Variants in NTAN1 observed in about 807,000 individuals in gnomAD.
NTAN1 encodes N-terminal asparagine amidase, also known as protein N-terminal asparagine amidohydrolase.
A neutral mutation model predicts 41.9 loss-of-function variants in NTAN1; 32 were observed. The observed-to-expected ratio is 0.76, with a 90% confidence interval of 0.58 to 1.03. The LOEUF (loss-of-function observed/expected upper bound fraction) is 1.03, where lower values mean the gene tolerates loss of function less well. Among genes scored for constraint, NTAN1 ranks in the 50% least tolerant of loss-of-function variants. The probability of loss-of-function intolerance (pLI) is 0.00; values close to 1 mark genes in which losing one functional copy is unlikely to be tolerated. For missense variants in NTAN1, 377 were observed against 377.5 expected (o/e 1.00, Z 0.01); for synonymous variants, 140 against 139.5 (o/e 1.00, Z -0.03).
Position 15,038,620 on chromosome 16 carries a change from G to A in NTAN1, c.707C>T (p.Pro236Leu). 6.2e-7 allele frequency: 1 copy of A among 1,609,536 alleles called. No individual in the cohort carries two copies. Among genetic ancestry groups the A allele is most frequent in the Non-Finnish European group, 8.5e-7 (1 of 1,176,002 alleles). Residue 236 changes from proline (P) to leucine (L), a missense_variant, in exon 9 of 10, where the codon CCA becomes CTA. By Grantham distance (98) the Pro-to-Leu change is moderately conservative (BLOSUM62 -3). Coordinates refer to ENST00000287706, the MANE Select transcript of NTAN1 (RefSeq NM_173474.4). Reference sequence around the variant, plus strand: ...TTGGTGCAACCAGAAATCCACATGTGGAAATGGTGTCCAGGAGTACGGTCC... The same window carrying A: ...TTGGTGCAACCAGAAATCCACATGTAGAAATGGTGTCCAGGAGTACGGTCC... ...RIGPYSWTPF[P>L]HVDFWLHQDD...
Position 15,041,596 on chromosome 16 carries a change from T to C in NTAN1, c.487+27A>G, listed in dbSNP as rs1042152020. ...AAAACGGTCCTGAGACCCACATCTTTGCTTTGGGGCAAATGGCAGGACTTA... is the reference window on the plus strand; with the variant it reads ...AAAACGGTCCTGAGACCCACATCTTCGCTTTGGGGCAAATGGCAGGACTTA... On this transcript the variant is annotated intron_variant, in intron 6 of 9. Coordinates refer to ENST00000287706, the MANE Select transcript of NTAN1 (RefSeq NM_173474.4). The C allele has an allele frequency of 6.4e-6, 10 of 1,569,138 alleles. 1 individual carries two copies. The African/African-American group carries it at 1.2e-4, about 19-fold the overall frequency.
chr16:15,037,918 G>A lies in NTAN1; in HGVS notation c.*113C>T. 1 of 650,752 alleles carries A rather than the reference G, an allele frequency of 1.5e-6. No homozygotes were observed. The highest frequency in any genetic ancestry group is 2.7e-6 in the Non-Finnish European group (1 of 372,876). 40.3% of individuals were successfully genotyped at this position (650,752 alleles called of 1,614,324 possible). On this transcript the variant is annotated 3_prime_UTR_variant, in exon 10 of 10. Coordinates refer to ENST00000287706, the MANE Select transcript of NTAN1 (RefSeq NM_173474.4). The stretch of plus-strand genomic sequence containing the variant: ...ATGAAAGTCATTTGAAAGACACTGA[G>A]GAGGGAAGGAGGCCTAAGACCCAAC...
chr16:15,047,405 G>T, intron 4 of NTAN1, 37 bp downstream of exon 4: 1 of 1,342,090 alleles, frequency 7.5e-7, no homozygotes, highest in African/African-American at 1.4e-5. Context: ...ACGGTTCCAA[G>T]ATCTCAATTC....
chr16:15,039,723 T>C (rs1476672944), intron 8 of NTAN1, among the ~76,000 whole-genome samples: 1 of 152,168 alleles, frequency 6.6e-6, no homozygotes, highest in Non-Finnish European at 1.5e-5. Flanking sequence ...TGAATTCGGA[T>C]GCTGGGGTTC....
intron 5 of NTAN1, among the ~76,000 whole-genome samples, chr16:15,042,185 C>A (rs1047697421): frequency 3.0e-5 from 4 of 135,576 alleles, no homozygotes; most frequent in African/African-American, 1.1e-4. Context: ...AATTTTATAT[C>A]TTTTTTTTTT....
At position 15,056,043 on chromosome 16, in the gene NTAN1, G is replaced by A; in HGVS notation, c.-72C>T. On this transcript the variant is annotated 5_prime_UTR_variant, in exon 1 of 10. Coordinates refer to ENST00000287706, the MANE Select transcript of NTAN1 (RefSeq NM_173474.4). Reference sequence around the variant, plus strand: ...GCTTTGCAGCCCCGGGCCGCCCGCCGCCCCCGCCCCTCGGGCCGCGCGTCC... The same window carrying A: ...GCTTTGCAGCCCCGGGCCGCCCGCCACCCCCGCCCCTCGGGCCGCGCGTCC... 3.0e-6 allele frequency: 2 copies of A among 665,270 alleles called. No homozygotes were observed. Among genetic ancestry groups the A allele is most frequent in the Non-Finnish European group, 3.9e-6 (2 of 515,554 alleles). 41.2% of individuals were successfully genotyped at this position (665,270 alleles called of 1,614,324 possible). A position where few individuals can be genotyped will look rare whatever the true frequency, so the allele number is the denominator to read the frequency against.
chr16:15,038,390 T>C (rs1012206102), intron 9 of NTAN1, 180 bp from the exon 10 acceptor site: 57 of 618,876 alleles, frequency 9.2e-5, no homozygotes, highest in African/African-American at 1.8e-4. Flanking sequence ...CACACACATT[T>C]CCATCTAGGA....
chr16:15,052,282 C>A (rs923227359), intron 1 of NTAN1, among the ~76,000 whole-genome samples: 4 of 152,146 alleles, frequency 2.6e-5, no homozygotes, highest in African/African-American at 7.2e-5. Flanking sequence ...AATACCATTT[C>A]CCATGTTACA....
chr16:15,048,004 T>TG lies in NTAN1; in HGVS notation c.176dup (p.Asp61GlyfsTer10). On this transcript the variant is annotated frameshift_variant, in exon 2 of 10. Coordinates refer to ENST00000287706, the MANE Select transcript of NTAN1 (RefSeq NM_173474.4). LOFTEE classifies it high-confidence loss of function. The stretch of plus-strand genomic sequence containing the variant: ...CACTGCTTCCTAACCTACCATCCTT[T>TG]GGGGAGGTCACTGCAAGCTCTCTTT... The TG allele has an allele frequency of 6.2e-7, 1 of 1,610,764 alleles. No homozygotes were observed. Among genetic ancestry groups the TG allele is most frequent in the Non-Finnish European group, 8.5e-7 (1 of 1,176,938 alleles).
Position 15,041,123 on chromosome 16 carries a change from TACAAA to T in NTAN1, c.488-7_488-3del. 2 of 1,529,738 alleles carry T rather than the reference TACAAA, an allele frequency of 1.3e-6. No homozygotes were observed. Among genetic ancestry groups the T allele is most frequent in the Non-Finnish European group, 1.8e-6 (2 of 1,102,996 alleles). The allele number at this position is 1,529,738 out of a possible 1,614,324, so 94.8% of individuals were successfully genotyped here. ...CGTTTTCTTCCCGGTCATTTAATTCTACAAAATAAGAATGTTTAAGATACACTTTT... is the reference window on the plus strand; with the variant it reads ...CGTTTTCTTCCCGGTCATTTAATTCTATAAGAATGTTTAAGATACACTTTT... On this transcript the variant is annotated splice_polypyrimidine_tract_variant and splice_region_variant and intron_variant, in intron 6 of 9. Coordinates refer to ENST00000287706, the MANE Select transcript of NTAN1 (RefSeq NM_173474.4).
intron 4 of NTAN1, among the ~76,000 whole-genome samples, chr16:15,046,225 A>G (rs1033115432): frequency 3.3e-5 from 5 of 152,256 alleles, no homozygotes; most frequent in African/African-American, 9.6e-5. Context: ...AGAATCGACC[A>G]GTATTGACTA....
Position 15,056,047 on chromosome 16 carries a change from C to T in NTAN1, c.-76G>A. On this transcript the variant is annotated 5_prime_UTR_variant, in exon 1 of 10. Coordinates refer to ENST00000287706, the MANE Select transcript of NTAN1 (RefSeq NM_173474.4). ...TGCAGCCCCGGGCCGCCCGCCGCCC[C>T]CGCCCCTCGGGCCGCGCGTCCCGCC... 1.6e-6 allele frequency: 1 copy of T among 638,944 alleles called. No individual in the cohort carries two copies. Among genetic ancestry groups the T allele is most frequent in the Non-Finnish European group, 2.0e-6 (1 of 494,070 alleles). The allele number at this position is 638,944 out of a possible 1,614,324, so 39.6% of individuals were successfully genotyped here.
intron 1 of NTAN1, among the ~76,000 whole-genome samples, chr16:15,055,091 G>A (rs1246622306): frequency 6.6e-6 from 1 of 152,042 alleles, no homozygotes; most frequent in East Asian, 1.9e-4. Context: ...AGATATTAGG[G>A]GCTCGATATT....
intron 7 of NTAN1, among the ~76,000 whole-genome samples, chr16:15,040,857 C>A (rs766492930): frequency 1.6e-4 from 24 of 152,122 alleles, no homozygotes; most frequent in South Asian, 2.1e-4. Context: ...TCTTCAAAGT[C>A]TTAAGAAGTG....
rs2043628164 is a variant in NTAN1 at position 15,038,266 on chromosome 16, G to T, written c.754-56C>A. On this transcript the variant is annotated intron_variant, in intron 9 of 9. Transcript: ENST00000287706. ...AGCCAACCTTACTGTCCCCTGCTGT[G>T]ATAAAGATGTCAAAGTATCTTTGTT... The T allele has an allele frequency of 2.5e-6, 3 of 1,213,088 alleles. No individual in the cohort carries two copies. In the Admixed American group the frequency reaches 6.5e-5, roughly 26 times the overall value. The allele number at this position is 1,213,088 out of a possible 1,614,324, so 75.1% of individuals were successfully genotyped here.
chr16:15,041,801 G>A (rs549961857), intron 5 of NTAN1, 125 bp from the exon 6 acceptor site: 9 of 726,302 alleles, frequency 1.2e-5, no homozygotes, highest in African/African-American at 6.9e-5. Context: ...TACAGCCCGC[G>A]CCCACACTGC....
In NTAN1 at chr16:15,038,564, A is replaced by G; in HGVS notation, c.753+10T>C. 3 of 1,440,014 alleles carry G rather than the reference A, an allele frequency of 2.1e-6. No individual in the cohort carries two copies. The highest frequency in any genetic ancestry group is 2.9e-6 in the Non-Finnish European group (3 of 1,025,034). The allele number at this position is 1,440,014 out of a possible 1,614,324, so 89.2% of individuals were successfully genotyped here. ...GAGATTTAAGACTTACCCAGCCTGT[A>G]AACTCTCACCTCTAGTATTTGCTTG... is the stretch of plus-strand genomic sequence containing the variant. On this transcript the variant is annotated intron_variant, in intron 9 of 9. Transcript: ENST00000287706.
chr16:15,055,616 G>T, intron 1 of NTAN1: 1 of 315,718 alleles, frequency 3.2e-6, no homozygotes, highest in South Asian at 1.6e-4. Flanking sequence ...GCGTGTCCCC[G>T]AGCCGCAGTG....
rs2043625687 is a variant in NTAN1, at chr16:15,038,247, C to T, written c.754-37G>A. ...AGATGGTGGGCATTAGAGAAGCCAACCTTACTGTCCCCTGCTGTGATAAAG... is the reference window on the plus strand; with the variant it reads ...AGATGGTGGGCATTAGAGAAGCCAATCTTACTGTCCCCTGCTGTGATAAAG... On this transcript the variant is annotated intron_variant, in intron 9 of 9. Transcript: ENST00000287706. The T allele has an allele frequency of 1.4e-5, 21 of 1,464,262 alleles. No homozygotes were observed. The East Asian group carries it at 4.5e-4, about 32-fold the overall frequency. The allele number at this position is 1,464,262 out of a possible 1,614,324, so 90.7% of individuals were successfully genotyped here. A position where few individuals can be genotyped will look rare whatever the true frequency, so the allele number is the denominator to read the frequency against.
Sources: gnomAD v4.1 joint callset for allele counts (sites outside exome capture counted in the v4.1 genomes callset) on GRCh38, gnomAD v4.1.1 for gene constraint, MANE v1.5 for transcripts, NCBI Gene and HGNC (gene_info 2026-07-23, HGNC 2026-07-21) for gene names.